SLAIN2: variants seen among roughly 807,000 people sequenced by gnomAD.
SLAIN2 encodes SLAIN motif-containing protein 2.
SLAIN2 carries 31 observed loss-of-function variants against 56.6 expected under a neutral mutation model. The ratio of observed to expected loss-of-function variants is 0.55; its 90% CI spans 0.41 to 0.74. The LOEUF (loss-of-function observed/expected upper bound fraction) is 0.74. Among genes scored for constraint, SLAIN2 ranks in the 30% least tolerant of loss-of-function variants. SLAIN2 has a pLI of 0.00. For synonymous variants in SLAIN2, 317 were observed against 284.9 expected (o/e 1.11, Z -1.13); for missense variants, 777 against 754.2 (o/e 1.03, Z -0.35).
At chr4:48,350,420 A>G (rs763552472) in intron 1 of SLAIN2, among the ~76,000 whole-genome samples, 8 of 152,176 alleles carry the variant, frequency 5.3e-5, no homozygotes, top group African/African-American at 9.7e-5. Flanking sequence ...TTTTGACATT[A>G]TTTTTTAAAA....
In SLAIN2 at chr4:48,425,241, T is replaced by C. The variant is rs976120811; in HGVS notation, c.*3164T>C. On this transcript the variant is annotated 3_prime_UTR_variant, in exon 8 of 8. Coordinates refer to ENST00000264313, the MANE Select transcript of SLAIN2 (RefSeq NM_020846.2). ...ATATGGATTTTACTTGAAGGAAATTTACAGTTTACTCTAAATTGATTTGTT... is the reference window on the plus strand; with the variant it reads ...ATATGGATTTTACTTGAAGGAAATTCACAGTTTACTCTAAATTGATTTGTT... 2.0e-5 allele frequency: 3 copies of C among 152,140 alleles called. No individual in the cohort carries two copies. Among genetic ancestry groups the C allele is most frequent in the Non-Finnish European group, 2.9e-5 (2 of 67,974 alleles). The allele number at this position is 152,140 out of a possible 1,614,324, so 9.4% of individuals were successfully genotyped here. A position where few individuals can be genotyped will look rare whatever the true frequency, so the allele number is the denominator to read the frequency against.
At chr4:48,418,162 C>A (rs906762972) in intron 6 of SLAIN2, among the ~76,000 whole-genome samples, 2 of 150,308 alleles carry the variant, frequency 1.3e-5, no homozygotes, top group Non-Finnish European at 3.0e-5. Flanking sequence ...CCTTCTCCCT[C>A]TTCTTCTTTT....
intron 6 of SLAIN2, among the ~76,000 whole-genome samples, chr4:48,385,778 G>A (rs1000521117): frequency 2.0e-5 from 3 of 151,552 alleles, no homozygotes; most frequent in African/African-American, 7.3e-5. Flanking sequence ...GCACCACCAT[G>A]CCCAGCTAAT....
Position 48,422,240 on chromosome 4 carries a change from G to A in SLAIN2, c.*163G>A. 3 of 579,338 alleles carry A rather than the reference G, an allele frequency of 5.2e-6. No individual in the cohort carries two copies. The highest frequency in any genetic ancestry group is 9.3e-6 in the Non-Finnish European group (3 of 323,846). The allele number at this position is 579,338 out of a possible 1,614,324, so 35.9% of individuals were successfully genotyped here. ...ACAAACCGACAGAGATCATCAAACA[G>A]CACTTTAATGACATTTAACATCAGA... is the stretch of plus-strand genomic sequence containing the variant. On this transcript the variant is annotated 3_prime_UTR_variant, in exon 8 of 8. Coordinates refer to ENST00000264313, the MANE Select transcript of SLAIN2 (RefSeq NM_020846.2).
intron 1 of SLAIN2, among the ~76,000 whole-genome samples, chr4:48,356,776 C>T (rs1715166831): frequency 6.6e-6 from 1 of 151,860 alleles, no homozygotes; most frequent in African/African-American, 2.4e-5. Context: ...TTTTGATTCT[C>T]TTAAAATTAA....
At chr4:48,347,240 G>A (rs758320480) in intron 1 of SLAIN2, among the ~76,000 whole-genome samples, 1 of 150,376 alleles carries the variant, frequency 6.6e-6, no homozygotes, top group Non-Finnish European at 1.5e-5. Flanking sequence ...TTTGGCATCA[G>A]GGACCGGTTT....
chr4:48,402,097 C>T (rs914103972), intron 6 of SLAIN2, among the ~76,000 whole-genome samples: 2 of 152,146 alleles, frequency 1.3e-5, no homozygotes, highest in Non-Finnish European at 2.9e-5. Context: ...ATGTTGACCC[C>T]CCAATCTCTT....
At chr4:48,390,609 C>G (rs559219733) in intron 6 of SLAIN2, among the ~76,000 whole-genome samples, 1 of 152,116 alleles carries the variant, frequency 6.6e-6, no homozygotes, top group African/African-American at 2.4e-5. Flanking sequence ...TATTTTATAA[C>G]TGTCAGTAAA....
chr4:48,377,707 T>C (rs1715858462), intron 2 of SLAIN2, among the ~76,000 whole-genome samples, 189 bp from the exon 3 acceptor site: 1 of 152,184 alleles, frequency 6.6e-6, no homozygotes, highest in South Asian at 2.1e-4. Context: ...ACTGTTTTAT[T>C]TGCATACACA....
In SLAIN2 at chr4:48,382,619, C is replaced by T; in HGVS notation, c.914C>T (p.Ser305Phe). The T allele has an allele frequency of 6.2e-7, 1 of 1,611,794 alleles. No individual in the cohort carries two copies. The highest frequency in any genetic ancestry group is 8.5e-7 in the Non-Finnish European group (1 of 1,178,072). ...ATTSRRSSGS[S>F]CNSTRRGTFS... ...ACGTCTCGGCGCAGTTCTGGTTCAT[C>T]TTGCAATTCTACAAGACGGGGTACT... The change falls in exon 5 of 8, where the codon TCT (serine) becomes TTT (phenylalanine). Residue 305 changes from serine to phenylalanine, a missense_variant. Ser to Phe is a radical substitution (Grantham distance 155). Coordinates refer to ENST00000264313, the MANE Select transcript of SLAIN2 (RefSeq NM_020846.2).
At chr4:48,399,061 C>T (rs1716482032) in intron 6 of SLAIN2, among the ~76,000 whole-genome samples, 1 of 152,122 alleles carries the variant, frequency 6.6e-6, no homozygotes, top group African/African-American at 2.4e-5. Context: ...ATGGGAATAG[C>T]ATTGAATCCA....
intron 6 of SLAIN2, among the ~76,000 whole-genome samples, chr4:48,404,339 T>C (rs1203312657): frequency 6.6e-6 from 1 of 152,216 alleles, no homozygotes; most frequent in Non-Finnish European, 1.5e-5. Context: ...GGATTCAAAA[T>C]TAAAAATTGT....
intron 3 of SLAIN2, among the ~76,000 whole-genome samples, chr4:48,378,752 C>T (rs1404185348): frequency 6.6e-6 from 1 of 152,102 alleles, no homozygotes; most frequent in Non-Finnish European, 1.5e-5. Flanking sequence ...CTTACTTCAC[C>T]TATGATGATA....
intron 6 of SLAIN2, 88 bp from the exon 7 acceptor site, chr4:48,420,037 G>A (rs1717104895): frequency 3.9e-6 from 5 of 1,291,294 alleles, no homozygotes; most frequent in Non-Finnish European, 5.4e-6. Context: ...ACATGTACTA[G>A]TGCCCAATCA....
chr4:48,412,494 T>C (rs1359501764), intron 6 of SLAIN2, among the ~76,000 whole-genome samples: 4 of 152,104 alleles, frequency 2.6e-5, no homozygotes, highest in Non-Finnish European at 5.9e-5. Flanking sequence ...AATAAACATA[T>C]TTCTTTCTAA....
At chr4:48,406,739 GTATTCATTCTTTCAA>G (rs918217300) in intron 6 of SLAIN2, among the ~76,000 whole-genome samples, 28 of 152,006 alleles carry the variant, frequency 1.8e-4, no homozygotes, top group Non-Finnish European at 3.1e-4. Flanking sequence ...TATGAGAACA[GTATTCATTCTTTCAA>G]TTTTTGCATG....
In SLAIN2 at chr4:48,422,036, G is replaced by T. The variant is rs1284940798; in HGVS notation, c.1705G>T (p.Gly569Cys). The change falls in exon 8 of 8, where the codon GGT becomes TGT. Residue 569 changes from glycine to cysteine, a missense_variant. Coordinates refer to ENST00000264313, the MANE Select transcript of SLAIN2 (RefSeq NM_020846.2). ...ATCCTTGCCAGCTCCTAAAACCTAT[G>T]GTAGCATGAAAGATGACAGTTGGAA... Reference protein sequence around the residue: ...RRSLPAPKTYGSMKDDSWKDG... With the variant: ...RRSLPAPKTYCSMKDDSWKDG... 3.7e-6 allele frequency: 6 copies of T among 1,610,460 alleles called. No individual in the cohort carries two copies. The Admixed American group carries it at 1.0e-4, about 27-fold the overall frequency.
intron 7 of SLAIN2, among the ~76,000 whole-genome samples, chr4:48,421,781 A>G (rs1256949767): frequency 6.6e-6 from 1 of 151,340 alleles, no homozygotes; most frequent in Non-Finnish European, 1.5e-5. Flanking sequence ...TTTATCTAGT[A>G]GCTATGTTAA....
At chr4:48,386,351 A>G (rs1716099942) in intron 6 of SLAIN2, among the ~76,000 whole-genome samples, 2 of 152,220 alleles carry the variant, frequency 1.3e-5, no homozygotes, top group Non-Finnish European at 1.5e-5. Flanking sequence ...TATACAGCTT[A>G]TAAGCGGCAA....
Sources: allele counts gnomAD v4.1 joint callset (sites outside exome capture counted in the v4.1 genomes callset), GRCh38; gene constraint gnomAD v4.1.1; transcripts MANE v1.5; gene names NCBI Gene and HGNC (gene_info 2026-07-23, HGNC 2026-07-21).